LGR6: variants seen among roughly 807,000 people sequenced by gnomAD.
LGR6 encodes leucine-rich repeat-containing G protein-coupled receptor 6.
In LGR6, 45 loss-of-function variants were observed where a neutral mutation model predicts 69.4. That is an observed-to-expected ratio of 0.65 (90% CI 0.51 to 0.83). LGR6 has a LOEUF of 0.83. LGR6 is among the 40% of genes least tolerant of loss of function. The pLI, the probability that LGR6 is intolerant of heterozygous loss-of-function variation, is 0.00. For synonymous variants in LGR6, 538 were observed against 555.0 expected, an observed-to-expected ratio of 0.97 and a Z score of 0.43; for missense variants, 1,108 against 1,246.7, an observed-to-expected ratio of 0.89 and a Z score of 1.68.
chr1:202,238,975 TAAAATGGCGTCAGCCCCC>T (rs528996800), intron 4 of LGR6, among the ~76,000 whole-genome samples: 154 of 152,048 alleles, frequency 1.0e-3, no homozygotes, highest in Middle Eastern at 6.8e-3. Flanking sequence ...GGCTGAGGCG[TAAAATGGCGTCAGCCCCC>T]AAAATGGCGT....
intron 3 of LGR6, 135 bp from the exon 4 acceptor site, chr1:202,235,785 ACT>A: frequency 2.9e-6 from 2 of 691,160 alleles, no homozygotes; most frequent in South Asian, 1.7e-5. Flanking sequence ...GCTGGACCAG[ACT>A]CTCTCTGGGG....
chr1:202,304,624 G>T lies in LGR6; in HGVS notation c.1064G>T (p.Arg355Leu). Reference protein sequence around the residue: ...SGMCQQLPRLRVLELSHNQIE... With the variant: ...SGMCQQLPRLLVLELSHNQIE... ...ATGTGCCAACAGCTGCCCAGGCTCC[G>T]AGTCCTGTGAGTGCTCACAAGAATT... The change falls in exon 11 of 18, where the codon CGA becomes CTA. Residue 355 changes from arginine (R) to leucine (L), a missense_variant. Coordinates refer to ENST00000367278, the MANE Select transcript of LGR6 (RefSeq NM_001017403.2). The T allele has an allele frequency of 6.2e-7, 1 of 1,608,168 alleles. No individual in the cohort carries two copies. Among genetic ancestry groups the T allele is most frequent in the Non-Finnish European group, 8.5e-7 (1 of 1,175,548 alleles).
Position 202,193,808 on chromosome 1 carries a change from T to C in LGR6, c.-182T>C. 3.3e-6 allele frequency: 1 copy of C among 299,224 alleles called. No individual in the cohort carries two copies. The highest frequency in any genetic ancestry group is 5.8e-5 in the East Asian group (1 of 17,334). 18.5% of individuals were successfully genotyped at this position (299,224 alleles called of 1,614,324 possible). A position where few individuals can be genotyped will look rare whatever the true frequency, so the allele number is the denominator to read the frequency against. ...CTGAATAACGAAGATCACTCAACAATGCCTGCCCCTCTCTGACTGCACCGT... is the reference window on the plus strand; with the variant it reads ...CTGAATAACGAAGATCACTCAACAACGCCTGCCCCTCTCTGACTGCACCGT... On this transcript the variant is annotated 5_prime_UTR_variant, in exon 1 of 18. An upstream start codon of the reference 5' UTR is lost. Coordinates refer to ENST00000367278, the MANE Select transcript of LGR6 (RefSeq NM_001017403.2).
intron 4 of LGR6, among the ~76,000 whole-genome samples, chr1:202,237,297 C>T (rs1034526348): frequency 6.6e-6 from 1 of 152,234 alleles, no homozygotes; most frequent in African/African-American, 2.4e-5. Context: ...AGGCCAACGT[C>T]GGAAGACCAG....
intron 3 of LGR6, 33 bp from the exon 4 acceptor site, chr1:202,235,889 T>C: frequency 6.2e-7 from 1 of 1,604,510 alleles, no homozygotes; most frequent in Non-Finnish European, 8.5e-7. Context: ...GCATACCATG[T>C]GCGTCCTTAA....
chr1:202,217,148 T>G (rs12030895), intron 1 of LGR6, among the ~76,000 whole-genome samples: 17,724 of 152,200 alleles, frequency 0.12, 1,386 homozygotes, highest in East Asian at 0.35. Flanking sequence ...TGTCTCCATC[T>G]CCTCACTCTG....
At chr1:202,270,495 G>A (rs1031390966) in intron 4 of LGR6, among the ~76,000 whole-genome samples, 4 of 152,160 alleles carry the variant, frequency 2.6e-5, no homozygotes, top group Non-Finnish European at 5.9e-5. Context: ...GCCCACCTCA[G>A]CCTCCCAAAG....
intron 4 of LGR6, chr1:202,236,285 G>GGC: frequency 2.3e-6 from 1 of 432,982 alleles, no homozygotes; most frequent in Middle Eastern, 6.1e-4. Flanking sequence ...GCGGTCCTGG[G>GGC]GCGACTGGTG....
intron 1 of LGR6, among the ~76,000 whole-genome samples, chr1:202,216,478 C>T (rs536326720): frequency 3.6e-4 from 55 of 152,338 alleles, no homozygotes; most frequent in African/African-American, 1.2e-3. Context: ...ACAGGAGCCA[C>T]TATCTTTATG....
intron 4 of LGR6, among the ~76,000 whole-genome samples, chr1:202,264,916 G>C (rs1664524773): frequency 6.6e-6 from 1 of 152,192 alleles, no homozygotes; most frequent in African/African-American, 2.4e-5. Flanking sequence ...AAGGAAAGGA[G>C]AGTTGAGGCA....
At chr1:202,197,835 C>T (rs186801536) in intron 1 of LGR6, among the ~76,000 whole-genome samples, 203 of 152,294 alleles carry the variant, frequency 1.3e-3, no homozygotes, top group African/African-American at 4.7e-3. Context: ...TGTTGCTGAG[C>T]AGAAAGATCT....
At chr1:202,245,562 TC>T (rs1662588311) in intron 4 of LGR6, among the ~76,000 whole-genome samples, 1 of 152,140 alleles carries the variant, frequency 6.6e-6, no homozygotes, top group Non-Finnish European at 1.5e-5. Context: ...GCTAGGGCTT[TC>T]TTGGGCCAGA....
intron 1 of LGR6, among the ~76,000 whole-genome samples, chr1:202,205,671 A>G (rs1167659963): frequency 1.4e-5 from 2 of 138,800 alleles, no homozygotes; most frequent in East Asian, 4.6e-4. Flanking sequence ...CCTCCCTCAA[A>G]CATACACACA....
intron 6 of LGR6, among the ~76,000 whole-genome samples, chr1:202,292,161 AT>A (rs1666841862): frequency 6.6e-6 from 1 of 152,244 alleles, no homozygotes. Flanking sequence ...ATCGGAGCCC[AT>A]TAAGGGATTT....
At chr1:202,246,132 ATATC>A (rs1186112103) in intron 4 of LGR6, among the ~76,000 whole-genome samples, 2 of 68,446 alleles carry the variant, frequency 2.9e-5, no homozygotes, top group South Asian at 6.6e-4. Flanking sequence ...TTCCATCCAT[ATATC>A]CATTCCTCCA....
At chr1:202,237,839 C>G (rs998943895) in intron 4 of LGR6, among the ~76,000 whole-genome samples, 2 of 152,176 alleles carry the variant, frequency 1.3e-5, no homozygotes, top group African/African-American at 4.8e-5. Context: ...AATGTGGCTT[C>G]AAGTCCTGGC....
Position 202,318,525 on chromosome 1 carries a change from C to T in LGR6, c.2222C>T (p.Ser741Phe), listed in dbSNP as rs1654351337. ...ACCGTGGCCCTGGTGATGATGAACT[C>T]CTTCTGTTTCCTGGTCGTGGCCGGT... is the stretch of plus-strand genomic sequence containing the variant. ...GFTVALVMMN[S>F]FCFLVVAGAY... Residue 741 changes from serine to phenylalanine, a missense_variant, in exon 18 of 18, where the codon TCC becomes TTC. Ser to Phe is a radical substitution (Grantham distance 155). Transcript: ENST00000367278. The T allele has an allele frequency of 6.2e-7, 1 of 1,613,994 alleles. No homozygotes were observed.
intron 4 of LGR6, among the ~76,000 whole-genome samples, chr1:202,251,384 A>G (rs534288952): frequency 5.3e-5 from 8 of 152,326 alleles, no homozygotes; most frequent in Non-Finnish European, 8.8e-5. Context: ...TATGAGGATG[A>G]TCTATGTCCC....
At chr1:202,201,791 G>A (rs865839502) in intron 1 of LGR6, among the ~76,000 whole-genome samples, 45 of 152,338 alleles carry the variant, frequency 3.0e-4, no homozygotes, top group Admixed American at 2.2e-3. Context: ...CATCTATGGG[G>A]GCTACTTGGA....
Sources: allele counts gnomAD v4.1 joint callset (sites outside exome capture counted in the v4.1 genomes callset), GRCh38; gene constraint gnomAD v4.1.1; transcripts MANE v1.5; gene names NCBI Gene and HGNC (gene_info 2026-07-23, HGNC 2026-07-21).